Variants in UCK2 observed in about 807,000 individuals in gnomAD.
UCK2 encodes the protein uridine-cytidine kinase 2, also known as cytidine monophosphokinase 2.
UCK2 carries 6 observed loss-of-function variants against 30.8 expected under a neutral mutation model. The observed-to-expected ratio is 0.19, with a 90% CI of 0.11 to 0.38. The LOEUF (loss-of-function observed/expected upper bound fraction) is 0.38. Among genes scored for constraint, UCK2 ranks in the 10% least tolerant of loss-of-function variants. The probability of loss-of-function intolerance (pLI) is 1.00; values close to 1 mark genes in which losing one functional copy is unlikely to be tolerated. For missense variants in UCK2, 210 were observed against 339.8 expected (o/e 0.62, Z 3.00); for synonymous variants, 125 against 133.6 (o/e 0.94, Z 0.45).
chr1:165,885,506 A>G, intron 1 of UCK2: 1 of 392,690 alleles, frequency 2.5e-6, no homozygotes, highest in Non-Finnish European at 4.5e-6. Context: ...CAGTCCTAGC[A>G]GACCTTTAAC....
In UCK2 at chr1:165,855,378, A is replaced by G. The variant is rs12092719; in HGVS notation, c.99+27446A>G. On this transcript the variant is annotated intron_variant, in intron 1 of 6. Transcript: ENST00000367879. ...GTGCTTATATATAGCAACAGATTCTACTTCCTTACATTTTGTTTCAGGACA... is the reference window on the plus strand; with the variant it reads ...GTGCTTATATATAGCAACAGATTCTGCTTCCTTACATTTTGTTTCAGGACA... Among the ~76,000 whole-genome samples the G allele has an allele frequency of 2.4e-4, 37 of 152,254 alleles. No individual in the cohort carries two copies. The East Asian group carries it at 5.4e-3, about 22-fold the overall frequency.
intron 1 of UCK2, among the ~76,000 whole-genome samples, chr1:165,851,196 A>G (rs546396620): frequency 6.6e-6 from 1 of 152,294 alleles, no homozygotes; most frequent in African/African-American, 2.4e-5. Flanking sequence ...GTCTGAGATC[A>G]TGTGCCCCCA....
At chr1:165,898,772 G>A (rs370129921) in intron 4 of UCK2, among the ~76,000 whole-genome samples, 4 of 152,202 alleles carry the variant, frequency 2.6e-5, no homozygotes, top group East Asian at 1.9e-4. Context: ...ATGTGAAATA[G>A]GAGCAATTCC....
intron 1 of UCK2, among the ~76,000 whole-genome samples, chr1:165,871,346 G>A (rs1228394314): frequency 6.6e-6 from 1 of 152,182 alleles, no homozygotes; most frequent in East Asian, 1.9e-4. Flanking sequence ...GCTGCTTCAT[G>A]CTTTTCCAAT....
intron 1 of UCK2, among the ~76,000 whole-genome samples, chr1:165,843,799 AAC>A (rs1654383860): frequency 6.6e-6 from 1 of 152,230 alleles, no homozygotes; most frequent in Admixed American, 6.5e-5. Context: ...AATCAGAAGT[AAC>A]ACATGTTCTT....
chr1:165,890,409 G>T (rs761356361), intron 2 of UCK2, 46 bp downstream of exon 2: 5 of 1,435,250 alleles, frequency 3.5e-6, no homozygotes, highest in South Asian at 1.1e-5. Context: ...TGGTGTGTTG[G>T]GGGGAATAGT....
At position 165,849,349 on chromosome 1, in the gene UCK2, GTC is replaced by G. The variant is rs1654533909; in HGVS notation, c.99+21421_99+21422del. On this transcript the variant is annotated intron_variant, in intron 1 of 6. Coordinates refer to ENST00000367879, the MANE Select transcript of UCK2 (RefSeq NM_012474.5). ...GAACCTGACCGAGAGGCAAAACATT[GTC>G]TCTATGTAGTGCTTGGCACAACCGT... 2.0e-5 allele frequency among the ~76,000 whole-genome samples: 3 copies of G among 152,328 alleles called. No homozygotes were observed. The South Asian group carries it at 6.2e-4, about 32-fold the overall frequency.
At chr1:165,893,521 T>A (rs902327220) in intron 3 of UCK2, among the ~76,000 whole-genome samples, 1 of 152,174 alleles carries the variant, frequency 6.6e-6, no homozygotes, top group African/African-American at 2.4e-5. Context: ...CAAACAAAAA[T>A]TTGTTGGGCT....
chr1:165,851,146 T>C (rs73029465), intron 1 of UCK2, among the ~76,000 whole-genome samples: 8,488 of 152,154 alleles, frequency 0.056, 793 homozygotes, highest in African/African-American at 0.2. Context: ...CCCTGTTATC[T>C]CTGTCTTGTC....
In UCK2 at chr1:165,910,480, G is replaced by A. The variant is rs1205033541; in HGVS notation, c.*2657G>A. Reference sequence around the variant, plus strand: ...TGCTTGGTTCTCTCTTCCTGCCCAGGTATTGTGTGTGGACCAAGTGTTTAG... The same window carrying A: ...TGCTTGGTTCTCTCTTCCTGCCCAGATATTGTGTGTGGACCAAGTGTTTAG... On this transcript the variant is annotated 3_prime_UTR_variant, in exon 7 of 7. Transcript: ENST00000367879. The A allele has an allele frequency of 6.6e-6, 1 of 152,344 alleles. No individual in the cohort carries two copies. The highest frequency in any genetic ancestry group is 1.9e-4 in the East Asian group (1 of 5,202). The allele number at this position is 152,344 out of a possible 1,614,324, so 9.4% of individuals were successfully genotyped here.
chr1:165,887,213 T>C (rs1655636776), intron 1 of UCK2, among the ~76,000 whole-genome samples: 1 of 152,164 alleles, frequency 6.6e-6, no homozygotes, highest in South Asian at 2.1e-4. Context: ...TGGTAGTGTG[T>C]TTGTGGAAGG....
intron 1 of UCK2, among the ~76,000 whole-genome samples, chr1:165,851,773 G>T (rs1268524708): frequency 6.6e-6 from 1 of 152,110 alleles, no homozygotes; most frequent in Admixed American, 6.5e-5. Flanking sequence ...AGGCCCTGGT[G>T]TGTGTTTCCC....
At chr1:165,886,805 A>G (rs946217330) in intron 1 of UCK2, among the ~76,000 whole-genome samples, 1 of 152,200 alleles carries the variant, frequency 6.6e-6, no homozygotes, top group Non-Finnish European at 1.5e-5. Context: ...CCTACCAGGT[A>G]AAAATTCAAA....
chr1:165,859,483 C>G (rs1654834470), intron 1 of UCK2, among the ~76,000 whole-genome samples: 1 of 152,178 alleles, frequency 6.6e-6, no homozygotes, highest in Non-Finnish European at 1.5e-5. Flanking sequence ...GCCCAGATCC[C>G]TGAACCCTTC....
At chr1:165,896,479 C>T (rs1393848480) in intron 4 of UCK2, 147 bp downstream of exon 4, 25 of 865,400 alleles carry the variant, frequency 2.9e-5, no homozygotes, top group East Asian at 1.5e-4. Context: ...AGCCCGGCTG[C>T]GTCAGTCCAG....
Position 165,827,709 on chromosome 1 carries a change from G to A in UCK2, c.-125G>A. On this transcript the variant is annotated 5_prime_UTR_variant, in exon 1 of 7. Transcript: ENST00000367879. Reference sequence around the variant, plus strand: ...GGCTCCGAGCGGCTCGCAGGCGAGCGACAGCGGCCTCAGCCCCGGCAGCGC... The same window carrying A: ...GGCTCCGAGCGGCTCGCAGGCGAGCAACAGCGGCCTCAGCCCCGGCAGCGC... 1 of 864,748 alleles carries A rather than the reference G, an allele frequency of 1.2e-6. No individual in the cohort carries two copies. The highest frequency in any genetic ancestry group is 3.4e-5 in the East Asian group (1 of 29,274). 53.6% of individuals were successfully genotyped at this position (864,748 alleles called of 1,614,324 possible). A position where few individuals can be genotyped will look rare whatever the true frequency, so the allele number is the denominator to read the frequency against.
At chr1:165,881,224 C>T (rs1397781985) in intron 1 of UCK2, among the ~76,000 whole-genome samples, 7 of 144,968 alleles carry the variant, frequency 4.8e-5, no homozygotes, top group Non-Finnish European at 9.0e-5. Context: ...TGTAGAAGAA[C>T]CATAGTTCTC....
At chr1:165,855,555 A>C (rs1261070833) in intron 1 of UCK2, among the ~76,000 whole-genome samples, 1 of 141,144 alleles carries the variant, frequency 7.1e-6, no homozygotes, top group Non-Finnish European at 1.5e-5. Context: ...GTCTGGGCTG[A>C]CTGAGACCCA....
intron 1 of UCK2, among the ~76,000 whole-genome samples, chr1:165,848,524 C>T (rs1654507301): frequency 6.6e-6 from 1 of 152,000 alleles, no homozygotes; most frequent in African/African-American, 2.4e-5. Context: ...CCCAGCTACT[C>T]AGGAGGCTGA....
Sources: gnomAD v4.1 joint callset for allele counts (sites outside exome capture counted in the v4.1 genomes callset) on GRCh38, gnomAD v4.1.1 for gene constraint, MANE v1.5 for transcripts, NCBI Gene and HGNC (gene_info 2026-07-23, HGNC 2026-07-21) for gene names.